ZDHHC15: variants seen among roughly 807,000 people sequenced by gnomAD.
ZDHHC15 encodes the protein zDHHC palmitoyltransferase 15, also known as palmitoyltransferase ZDHHC15.
ZDHHC15 carries 19 observed loss-of-function variants against 31.7 expected under a neutral mutation model. The ratio of observed to expected loss-of-function variants is 0.60; its 90% CI spans 0.42 to 0.88. The LOEUF (loss-of-function observed/expected upper bound fraction) is 0.88. ZDHHC15 is among the 40% of genes least tolerant of loss of function. ZDHHC15 has a pLI of 0.00. For missense variants in ZDHHC15, 209 were observed against 251.2 expected, an observed-to-expected ratio of 0.83 and a Z score of 1.14; for synonymous variants, 103 against 90.0, an observed-to-expected ratio of 1.14 and a Z score of -0.82.
At chrX:75,455,031 T>C (rs1006704939) in intron 3 of ZDHHC15, among the ~76,000 whole-genome samples, 8 of 111,308 alleles carry the variant, frequency 7.2e-5, no homozygotes, top group Non-Finnish European at 1.3e-4. Flanking sequence ...AAAGTTCATA[T>C]GGAATCAAAA....
intron 3 of ZDHHC15, among the ~76,000 whole-genome samples, chrX:75,461,238 T>C (rs2084309666): frequency 9.0e-6 from 1 of 111,589 alleles, no homozygotes; most frequent in Admixed American, 9.6e-5. Context: ...GAATAGAGAA[T>C]AAGGAATAAA....
At chrX:75,470,945 C>T (rs1453433190) in intron 3 of ZDHHC15, among the ~76,000 whole-genome samples, 1 of 111,965 alleles carries the variant, frequency 8.9e-6, no homozygotes, top group Non-Finnish European at 1.9e-5. Flanking sequence ...CCATCACAGA[C>T]TTGACAGATG....
chrX:75,431,760 A>G lies in ZDHHC15; in HGVS notation c.380-240T>C, dbSNP rs1337170554. 4.5e-5 allele frequency among the ~76,000 whole-genome samples: 5 copies of G among 111,473 alleles called. No individual in the cohort carries two copies. In the Admixed American group the frequency reaches 4.8e-4, roughly 11 times the overall value. ...GGAACGAGAAAAGTTTCTTATCTGG[A>G]TATCTGTCATAAGATCTTTCATTAT... On this transcript the variant is annotated intron_variant, in intron 4 of 11. Coordinates refer to ENST00000373367, the MANE Select transcript of ZDHHC15 (RefSeq NM_144969.3).
chrX:75,441,999 G>A (rs774596325), intron 4 of ZDHHC15, among the ~76,000 whole-genome samples: 1 of 111,705 alleles, frequency 9.0e-6, no homozygotes, highest in East Asian at 2.8e-4. Context: ...AGTGGGAGCG[G>A]CAAGTTAGTC....
intron 10 of ZDHHC15, among the ~76,000 whole-genome samples, chrX:75,387,988 T>C (rs2083198141): frequency 8.9e-6 from 1 of 112,101 alleles, no homozygotes; most frequent in Non-Finnish European, 1.9e-5. Context: ...GGCAACAGAC[T>C]TCTCAATGGA....
At chrX:75,456,134 A>G (rs747133366) in intron 3 of ZDHHC15, among the ~76,000 whole-genome samples, 50 of 111,897 alleles carry the variant, frequency 4.5e-4, no homozygotes, top group African/African-American at 1.4e-3. Flanking sequence ...CTGGATTAAG[A>G]AAATGTGGCA....
In ZDHHC15 at chrX:75,382,514, C is replaced by T. The variant is rs184526081; in HGVS notation, c.968-3316G>A. On this transcript the variant is annotated intron_variant, in intron 10 of 11. Coordinates refer to ENST00000373367, the MANE Select transcript of ZDHHC15 (RefSeq NM_144969.3). ...GTTTTCAGAAATGAGGCCTAGGATT[C>T]CTACTCTCATAAAAAGGCAAATGAC... Among the ~76,000 whole-genome samples, 21 of 111,852 alleles carry T rather than the reference C, an allele frequency of 1.9e-4. No homozygotes were observed. In the East Asian group the frequency reaches 5.6e-3, roughly 30 times the overall value.
intron 3 of ZDHHC15, among the ~76,000 whole-genome samples, chrX:75,466,221 C>T (rs772132459): frequency 8.0e-5 from 9 of 112,038 alleles, no homozygotes; most frequent in African/African-American, 2.9e-4. Context: ...GATTATTAAA[C>T]ACAAATCAAA....
intron 4 of ZDHHC15, among the ~76,000 whole-genome samples, chrX:75,444,103 C>A (rs952921728): frequency 9.0e-6 from 1 of 111,220 alleles, no homozygotes; most frequent in African/African-American, 3.3e-5. Context: ...TTTGACCCAG[C>A]CATCCCATTA....
At chrX:75,438,132 A>C (rs1006895624) in intron 4 of ZDHHC15, among the ~76,000 whole-genome samples, 2 of 111,746 alleles carry the variant, frequency 1.8e-5, no homozygotes, top group Non-Finnish European at 3.8e-5. Flanking sequence ...GGAAACAACA[A>C]GTGCTGGAGA....
chrX:75,437,731 A>G (rs1276687080), intron 4 of ZDHHC15, among the ~76,000 whole-genome samples: 40 of 108,429 alleles, frequency 3.7e-4, no homozygotes, highest in Middle Eastern at 4.7e-3. Context: ...ATTGTGAATA[A>G]TGCCACAATA....
At chrX:75,493,517 C>G (rs1461603549) in intron 2 of ZDHHC15, among the ~76,000 whole-genome samples, 1 of 111,547 alleles carries the variant, frequency 9.0e-6, no homozygotes, top group Non-Finnish European at 1.9e-5. Flanking sequence ...GATGAACATC[C>G]ATGCAAAAAT....
In ZDHHC15 at chrX:75,421,846, G is replaced by C; in HGVS notation, c.863+18C>G. On this transcript the variant is annotated intron_variant, in intron 9 of 11. Coordinates refer to ENST00000373367, the MANE Select transcript of ZDHHC15 (RefSeq NM_144969.3). ...CAGGGTCCAGTACTAACTTCTTCCA[G>C]TGGTAATATTTACTCACCTGGAACC... 8.3e-7 allele frequency: 1 copy of C among 1,205,511 alleles called. No homozygotes were observed. Among genetic ancestry groups the C allele is most frequent in the South Asian group, 1.8e-5 (1 of 55,911 alleles).
intron 2 of ZDHHC15, among the ~76,000 whole-genome samples, chrX:75,492,286 C>G (rs1222736764): frequency 9.0e-6 from 1 of 111,230 alleles, no homozygotes; most frequent in Non-Finnish European, 1.9e-5. Context: ...TGAAGCAAGT[C>G]CTGAGTGACC....
At chrX:75,491,031 C>G (rs2084878869) in intron 2 of ZDHHC15, among the ~76,000 whole-genome samples, 1 of 111,687 alleles carries the variant, frequency 9.0e-6, no homozygotes, top group Non-Finnish European at 1.9e-5. Context: ...GTTGGTGGGA[C>G]TGTAAACTAG....
intron 3 of ZDHHC15, among the ~76,000 whole-genome samples, chrX:75,470,467 C>G (rs1381356170): frequency 1.8e-5 from 2 of 110,954 alleles, no homozygotes; most frequent in Non-Finnish European, 3.8e-5. Flanking sequence ...ATGTGGAGAA[C>G]CAAGGAACAT....
At position 75,429,934 on chromosome X, in the gene ZDHHC15, T is replaced by G. The variant is rs955470973; in HGVS notation, c.482+14A>C. On this transcript the variant is annotated intron_variant, in intron 6 of 11. Transcript: ENST00000373367. ...GACCCCTTTAGAGGAGAGAAATGAA[T>G]CAAACAGACATACCAAGGGCAGTGA... 1.7e-6 allele frequency: 2 copies of G among 1,205,416 alleles called. No homozygotes were observed. The highest frequency in any genetic ancestry group is 4.4e-5 in the Admixed American group (2 of 45,280).
chrX:75,453,757 C>T (rs1174994939), intron 3 of ZDHHC15, among the ~76,000 whole-genome samples: 1 of 111,210 alleles, frequency 9.0e-6, no homozygotes, highest in Non-Finnish European at 1.9e-5. Flanking sequence ...TAAACGTAAT[C>T]CATCAAATAA....
chrX:75,509,541 G>T (rs1200179822), intron 1 of ZDHHC15, among the ~76,000 whole-genome samples: 1 of 111,686 alleles, frequency 9.0e-6, no homozygotes, highest in Non-Finnish European at 1.9e-5. Flanking sequence ...ACAACATGAA[G>T]TTCTTTTTTA....
Sources: gnomAD v4.1 joint callset for allele counts (sites outside exome capture counted in the v4.1 genomes callset) on GRCh38, gnomAD v4.1.1 for gene constraint, MANE v1.5 for transcripts, NCBI Gene and HGNC (gene_info 2026-07-23, HGNC 2026-07-21) for gene names.